The following IGSF5 variants were observed in gnomAD, a reference collection of about 807,000 sequenced individuals.
The protein encoded by IGSF5 is immunoglobulin superfamily 5 like.
In IGSF5, 41 loss-of-function variants were observed where a neutral mutation model predicts 39.4. The observed-to-expected ratio is 1.04, with a 90% confidence interval of 0.81 to 1.35. The LOEUF (loss-of-function observed/expected upper bound fraction) is 1.35. IGSF5 is among the 40% of genes most tolerant of loss of function. The probability of loss-of-function intolerance (pLI) is 0.00; values close to 1 mark genes in which losing one functional copy is unlikely to be tolerated. For missense variants in IGSF5, 487 were observed against 494.6 expected, an observed-to-expected ratio of 0.98 and a Z score of 0.15; for synonymous variants, 183 against 175.3, an observed-to-expected ratio of 1.04 and a Z score of -0.34.
chr21:39,725,999 AG>A, the IGSF5 span: 1 of 152,198 alleles, frequency 6.6e-6, no homozygotes, highest in Admixed American at 6.5e-5. Flanking sequence ...GGCGAAGTCA[AG>A]GAGCGTCTCA....
chr21:39,798,963 G>A (rs567648985), intron 8 of IGSF5, among the ~76,000 whole-genome samples: 1 of 152,348 alleles, frequency 6.6e-6, no homozygotes, highest in Admixed American at 6.5e-5. Flanking sequence ...GGCTGGGGCT[G>A]GAGTTTTGAC....
chr21:39,748,432 A>G (rs1253288332), intron 2 of IGSF5, among the ~76,000 whole-genome samples: 1 of 144,912 alleles, frequency 6.9e-6, no homozygotes, highest in Non-Finnish European at 1.5e-5. Flanking sequence ...TGCCTCAGCC[A>G]CTGGAGTAGC....
At chr21:39,797,539 C>T (rs540724446) in intron 8 of IGSF5, among the ~76,000 whole-genome samples, 2 of 152,106 alleles carry the variant, frequency 1.3e-5, no homozygotes, top group Non-Finnish European at 2.9e-5. Context: ...TTTTTTGAGA[C>T]ATGGTCTTGC....
the IGSF5 span, among the ~76,000 whole-genome samples, chr21:39,728,228 G>T: frequency 4.1e-4 from 62 of 152,250 alleles, no homozygotes; most frequent in African/African-American, 1.4e-3. Flanking sequence ...TGCAAATAGG[G>T]TCTCTGCAGA....
intron 3 of IGSF5, among the ~76,000 whole-genome samples, chr21:39,770,597 C>T (rs904333003): frequency 2.0e-5 from 3 of 152,120 alleles, no homozygotes; most frequent in African/African-American, 7.2e-5. Context: ...GTATAACCCC[C>T]CTATGGCATG....
chr21:39,743,066 C>A (rs2079954877), upstream of IGSF5, among the ~76,000 whole-genome samples: 1 of 152,178 alleles, frequency 6.6e-6, no homozygotes. Flanking sequence ...CTATAGTGTA[C>A]ATCATTGAAT....
At chr21:39,764,562 A>T (rs1168213954) in intron 2 of IGSF5, among the ~76,000 whole-genome samples, 1 of 151,778 alleles carries the variant, frequency 6.6e-6, no homozygotes, top group Non-Finnish European at 1.5e-5. Flanking sequence ...CTGGTCTTGA[A>T]CTCTTGACTT....
At chr21:39,742,814 C>T (rs371922298), upstream of IGSF5, among the ~76,000 whole-genome samples, 125 of 152,290 alleles carry the variant, frequency 8.2e-4, no homozygotes, top group African/African-American at 3.0e-3. Context: ...GTTCTGCCTG[C>T]TCCTCCTGAT....
chr21:39,731,977 T>C, the IGSF5 span, among the ~76,000 whole-genome samples: 33 of 152,298 alleles, frequency 2.2e-4, no homozygotes, highest in African/African-American at 7.5e-4. Flanking sequence ...CTTGGGGCAT[T>C]TGCTCCCGGA....
chr21:39,798,179 A>C (rs763823529), intron 8 of IGSF5, among the ~76,000 whole-genome samples: 1 of 152,228 alleles, frequency 6.6e-6, no homozygotes. Context: ...CAATGTGGCT[A>C]GGCTTAAGGG....
intron 2 of IGSF5, among the ~76,000 whole-genome samples, chr21:39,761,869 T>C (rs1237784613): frequency 6.6e-6 from 1 of 152,174 alleles, no homozygotes. Flanking sequence ...GATATTGTTA[T>C]GTTTTCCAGG....
intron 5 of IGSF5, among the ~76,000 whole-genome samples, chr21:39,781,027 T>C (rs1308310376): frequency 1.3e-5 from 2 of 152,240 alleles, no homozygotes; most frequent in East Asian, 3.8e-4. Flanking sequence ...AGTGTGTGTG[T>C]GCCAGGCACT....
rs193187788 is a variant in IGSF5, at chr21:39,764,279, T to C, written c.101-1256T>C. ...CAGGTGAAGTGCTAATGTGCTACTGTGTGTCCAACGGTGTGATTCCTCCCC... is the reference window on the plus strand; with the variant it reads ...CAGGTGAAGTGCTAATGTGCTACTGCGTGTCCAACGGTGTGATTCCTCCCC... On this transcript the variant is annotated intron_variant, in intron 2 of 8. Coordinates refer to ENST00000380588, the MANE Select transcript of IGSF5 (RefSeq NM_001080444.2). Among the ~76,000 whole-genome samples, 31 of 152,330 alleles carry C rather than the reference T, an allele frequency of 2.0e-4. No individual in the cohort carries two copies. The East Asian group carries it at 5.8e-3, about 29-fold the overall frequency.
At chr21:39,787,896 C>A (rs73219403) in intron 5 of IGSF5, among the ~76,000 whole-genome samples, 4,907 of 152,056 alleles carry the variant, frequency 0.032, 106 homozygotes, top group South Asian at 0.085. Context: ...AAGTAAATAC[C>A]CCTGGGTGAC....
chr21:39,730,110 A>C, the IGSF5 span: 7 of 152,092 alleles, frequency 4.6e-5, no homozygotes, highest in Non-Finnish European at 8.8e-5. Flanking sequence ...GCCCCTCTGA[A>C]ACCTAGGAGG....
At chr21:39,774,638 C>T (rs1291620929) in intron 4 of IGSF5, among the ~76,000 whole-genome samples, 4 of 152,282 alleles carry the variant, frequency 2.6e-5, no homozygotes, top group African/African-American at 7.2e-5. Context: ...AGAGTGAGGC[C>T]GTCTCACCCT....
At chr21:39,764,956 C>T (rs1287850719) in intron 2 of IGSF5, among the ~76,000 whole-genome samples, 2 of 152,152 alleles carry the variant, frequency 1.3e-5, no homozygotes, top group African/African-American at 4.8e-5. Flanking sequence ...GGGATGTTGC[C>T]AGCTGGCAGA....
intron 4 of IGSF5, 124 bp from the exon 5 acceptor site, chr21:39,778,966 G>C: frequency 8.8e-7 from 1 of 1,130,740 alleles, no homozygotes; most frequent in Non-Finnish European, 1.2e-6. Flanking sequence ...GGCCTATGAC[G>C]CCTAGCCATA....
chr21:39,763,740 T>C (rs2080072067), intron 2 of IGSF5, among the ~76,000 whole-genome samples: 1 of 151,950 alleles, frequency 6.6e-6, no homozygotes, highest in Non-Finnish European at 1.5e-5. Flanking sequence ...GAGGTGGGAG[T>C]GCAGGAGGAG....
Sources: allele counts gnomAD v4.1 joint callset (sites outside exome capture counted in the v4.1 genomes callset), GRCh38; gene constraint gnomAD v4.1.1; transcripts MANE v1.5; gene names NCBI Gene and HGNC (gene_info 2026-07-23, HGNC 2026-07-21).